The following PRKG1 variants were observed in gnomAD, a reference collection of about 807,000 sequenced individuals.
PRKG1 encodes protein kinase cGMP-dependent 1, also known as cGMP-dependent protein kinase 1.
Under a neutral mutation model 88.1 loss-of-function variants are expected in PRKG1, and 35 were observed. That is an observed-to-expected ratio of 0.40 (90% CI 0.30 to 0.53). PRKG1 has a LOEUF of 0.53. Among genes scored for constraint, PRKG1 ranks in the 20% least tolerant of loss-of-function variants. PRKG1 has a pLI of 0.59. For synonymous variants in PRKG1, 303 were observed against 292.5 expected (o/e 1.04, Z -0.37); for missense variants, 540 against 839.8 (o/e 0.64, Z 4.41).
chr10:51,736,300 G>C (rs1330065562), intron 3 of PRKG1, among the ~76,000 whole-genome samples: 4 of 152,036 alleles, frequency 2.6e-5, no homozygotes, highest in Non-Finnish European at 2.9e-5. Flanking sequence ...TTAAGTAATA[G>C]AGATGCTGTC....
Position 51,946,465 on chromosome 10 carries a change from A to C in PRKG1, c.762+38895A>C, listed in dbSNP as rs1843037464. ...GAAGCCTTCTTCTCTCAACTCGTCA[A>C]AGTCATTCTCTGTCCAGCTTTGTTC... On this transcript the variant is annotated intron_variant, in intron 5 of 17. Transcript: ENST00000373980. 2.0e-5 allele frequency among the ~76,000 whole-genome samples: 3 copies of C among 152,050 alleles called. No homozygotes were observed. The South Asian group carries it at 6.2e-4, about 31-fold the overall frequency.
At chr10:51,352,665 T>C (rs1306901497) in intron 2 of PRKG1, among the ~76,000 whole-genome samples, 3 of 152,080 alleles carry the variant, frequency 2.0e-5, no homozygotes, top group Admixed American at 6.6e-5. Flanking sequence ...AAAATGTCTA[T>C]ACTACCCAAA....
chr10:51,370,675 A>G (rs1842686414), intron 2 of PRKG1, among the ~76,000 whole-genome samples: 2 of 152,134 alleles, frequency 1.3e-5, no homozygotes. Context: ...TAAAAAATAA[A>G]TCTAAAAAAA....
intron 1 of PRKG1, among the ~76,000 whole-genome samples, chr10:51,042,453 A>G (rs888880412): frequency 1.3e-5 from 2 of 152,198 alleles, no homozygotes; most frequent in Non-Finnish European, 2.9e-5. Context: ...GCTTTGGCCA[A>G]ACTGAGCTAC....
intron 1 of PRKG1, among the ~76,000 whole-genome samples, chr10:51,057,563 C>A (rs1843641726): frequency 2.6e-5 from 4 of 152,148 alleles, no homozygotes; most frequent in Admixed American, 2.0e-4. Context: ...TTCCCAATCA[C>A]CAGACCCACT....
In PRKG1 at chr10:51,157,804, A is replaced by AT. The variant is rs568598132; in HGVS notation, c.478+4484dup. ...TTAAACTTTTTCGATGAAATCATCA[A>AT]TTTTTTTTTTGCATTTCAAATTTTA... On this transcript the variant is annotated intron_variant, in intron 2 of 17. Transcript: ENST00000373980. Among the ~76,000 whole-genome samples the AT allele has an allele frequency of 1.3e-3, 192 of 148,386 alleles. 1 individual carries two copies. Among genetic ancestry groups the AT allele is most frequent in the South Asian group, 4.1e-3 (19 of 4,686 alleles).
At chr10:51,302,717 C>A (rs1279854026) in intron 2 of PRKG1, 1 of 152,116 alleles carries the variant, frequency 6.6e-6, no homozygotes, top group Non-Finnish European at 1.5e-5. Context: ...TACTTTATTT[C>A]ATTACCTAAC....
intron 2 of PRKG1, among the ~76,000 whole-genome samples, chr10:51,295,095 A>C (rs1176177806): frequency 6.6e-6 from 1 of 152,128 alleles, no homozygotes; most frequent in Non-Finnish European, 1.5e-5. Context: ...AGAGGAAAAA[A>C]AAAAGGATTG....
intron 5 of PRKG1, among the ~76,000 whole-genome samples, chr10:51,999,543 A>G (rs1425339534): frequency 6.6e-6 from 1 of 152,134 alleles, no homozygotes; most frequent in African/African-American, 2.4e-5. Flanking sequence ...ATCTTTATCT[A>G]TCTTTTGGAG....
intron 1 of PRKG1, among the ~76,000 whole-genome samples, chr10:51,043,207 G>T (rs950386252): frequency 6.6e-5 from 10 of 152,120 alleles, no homozygotes; most frequent in African/African-American, 2.2e-4. Context: ...AGGTCCTGAA[G>T]AGGGACTCCA....
chr10:52,247,823 C>T (rs1465692401), intron 9 of PRKG1, among the ~76,000 whole-genome samples: 1 of 152,100 alleles, frequency 6.6e-6, no homozygotes, highest in Non-Finnish European at 1.5e-5. Context: ...AGACCCTAAC[C>T]CAGCGGTGCT....
chr10:52,038,051 G>A (rs1845662344), intron 5 of PRKG1, among the ~76,000 whole-genome samples: 1 of 152,160 alleles, frequency 6.6e-6, no homozygotes, highest in African/African-American at 2.4e-5. Flanking sequence ...AGATCTTGCA[G>A]GATGGAAAAA....
At chr10:51,574,645 T>A (rs1039712096) in intron 3 of PRKG1, among the ~76,000 whole-genome samples, 21 of 151,910 alleles carry the variant, frequency 1.4e-4, no homozygotes, top group Non-Finnish European at 2.8e-4. Flanking sequence ...AAGAAATTAG[T>A]CTCTTTGAAC....
chr10:51,193,404 G>C, intron 2 of PRKG1, among the ~76,000 whole-genome samples: 1 of 151,998 alleles, frequency 6.6e-6, no homozygotes, highest in Non-Finnish European at 1.5e-5. Flanking sequence ...GTATCACAAG[G>C]TGGATTGTTA....
At chr10:51,018,962 A>G (rs1403167964) in intron 1 of PRKG1, among the ~76,000 whole-genome samples, 2 of 152,234 alleles carry the variant, frequency 1.3e-5, no homozygotes, top group African/African-American at 2.4e-5. Flanking sequence ...AGGACAAGAC[A>G]CTTTTAAATA....
intron 3 of PRKG1, among the ~76,000 whole-genome samples, chr10:51,569,966 A>G (rs73341613): frequency 5.3e-5 from 8 of 151,158 alleles, no homozygotes; most frequent in African/African-American, 1.7e-4. Flanking sequence ...GAGCATTTTG[A>G]TGTTCCTTTG....
At chr10:51,556,278 G>T (rs956127154) in intron 3 of PRKG1, among the ~76,000 whole-genome samples, 5 of 151,780 alleles carry the variant, frequency 3.3e-5, no homozygotes, top group Non-Finnish European at 7.4e-5. Context: ...AATAAAATTT[G>T]AAAGATGTAA....
At chr10:51,332,642 C>T (rs1418142611) in intron 2 of PRKG1, among the ~76,000 whole-genome samples, 1 of 152,056 alleles carries the variant, frequency 6.6e-6, no homozygotes, top group Non-Finnish European at 1.5e-5. Context: ...TGTAGGGAAA[C>T]TCTTATGGAG....
At chr10:52,169,037 TGAGATAGAAATTA>T (rs1025518464) in intron 9 of PRKG1, among the ~76,000 whole-genome samples, 2 of 152,086 alleles carry the variant, frequency 1.3e-5, no homozygotes, top group Non-Finnish European at 2.9e-5. Flanking sequence ...TAGCTGTGGA[TGAGATAGAAATTA>T]GAGAGTGAGA....
Sources: allele counts gnomAD v4.1 joint callset (sites outside exome capture counted in the v4.1 genomes callset), GRCh38; gene constraint gnomAD v4.1.1; transcripts MANE v1.5; gene names NCBI Gene and HGNC (gene_info 2026-07-23, HGNC 2026-07-21).